Variants in ANKRD40 observed in about 807,000 individuals in gnomAD.
The protein encoded by ANKRD40 is ankyrin repeat domain-containing protein 40.
In ANKRD40, 24 loss-of-function variants were observed where a neutral mutation model predicts 35.5. That is an observed-to-expected ratio of 0.68 (90% CI 0.49 to 0.95). ANKRD40 has a LOEUF of 0.95. Among genes scored for constraint, ANKRD40 ranks in the 40% least tolerant of loss-of-function variants. The pLI is 0.00. For missense variants in ANKRD40, 361 were observed against 436.0 expected, an observed-to-expected ratio of 0.83 and a Z score of 1.53; for synonymous variants, 147 against 173.5, an observed-to-expected ratio of 0.85 and a Z score of 1.20.
At chr17:50,698,458 A>G (rs1968225206) in intron 3 of ANKRD40, among the ~76,000 whole-genome samples, 2 of 152,238 alleles carry the variant, frequency 1.3e-5, no homozygotes, top group South Asian at 4.1e-4. Context: ...TTTACAGTAA[A>G]ATACCAACTA....
chr17:50,696,783 T>A, intron 4 of ANKRD40, 157 bp downstream of exon 4: 71 of 580,660 alleles, frequency 1.2e-4, no homozygotes, highest in Non-Finnish European at 1.7e-4. Flanking sequence ...CCAGTGTCCC[T>A]ATAGACTCAG....
At chr17:50,700,742 A>G in intron 1 of ANKRD40, 26 bp from the exon 2 acceptor site, 1 of 1,590,316 alleles carries the variant, frequency 6.3e-7, no homozygotes, top group Non-Finnish European at 8.6e-7. Context: ...TAATGATTGA[A>G]AAAGAGGAGA....
rs1968206265 is a variant in ANKRD40, at chr17:50,696,848, G to A, written c.960+92C>T. The A allele has an allele frequency of 7.8e-6, 9 of 1,153,466 alleles. No homozygotes were observed. The South Asian group carries it at 1.8e-4, about 23-fold the overall frequency. 71.5% of individuals were successfully genotyped at this position (1,153,466 alleles called of 1,614,324 possible). ...ACTCTTTGCTCCTTTTCTATTCTTT[G>A]TTTATTCCCTCAACTACCTCATATA... On this transcript the variant is annotated intron_variant, in intron 4 of 4. Coordinates refer to ENST00000285243, the MANE Select transcript of ANKRD40 (RefSeq NM_052855.4).
At chr17:50,705,923 T>A (rs1370210528) in intron 1 of ANKRD40, among the ~76,000 whole-genome samples, 1 of 151,894 alleles carries the variant, frequency 6.6e-6, no homozygotes, top group African/African-American at 2.4e-5. Context: ...CCTCCCAAAG[T>A]GCTGAGATTA....
At chr17:50,706,772 C>T (rs11868294) in intron 1 of ANKRD40, among the ~76,000 whole-genome samples, 41,332 of 147,170 alleles carry the variant, frequency 0.28, 5,870 homozygotes, top group Middle Eastern at 0.36. Flanking sequence ...GGTGTGGGGG[C>T]GCGTGCCTGT....
rs1401420318 is a variant in ANKRD40 at position 50,699,732 on chromosome 17, A to T, written c.445T>A (p.Ser149Thr). 1 of 1,612,674 alleles carries T rather than the reference A, an allele frequency of 6.2e-7. No homozygotes were observed. Residue 149 changes from serine to threonine, a missense_variant, in exon 3 of 5, where the codon TCC becomes ACC. Coordinates refer to ENST00000285243, the MANE Select transcript of ANKRD40 (RefSeq NM_052855.4). ...GCAGGGGGTGATGCAGGGGGTGTGG[A>T]GGGGCCCCCATTCTGCATCTGGGCT... is the stretch of plus-strand genomic sequence containing the variant. ...DSAQMQNGGPSTPPASPPADG... is the reference protein window; with the variant it reads ...DSAQMQNGGPTTPPASPPADG...
At chr17:50,699,255 G>T in intron 3 of ANKRD40, 144 bp downstream of exon 3, 2 of 1,122,250 alleles carry the variant, frequency 1.8e-6, no homozygotes, top group Non-Finnish European at 2.5e-6. Context: ...TAAACAATTT[G>T]TGAATTTGAG....
chr17:50,705,094 C>A (rs1015795429), intron 1 of ANKRD40, among the ~76,000 whole-genome samples: 2 of 147,248 alleles, frequency 1.4e-5, no homozygotes, highest in Non-Finnish European at 3.0e-5. Context: ...GCACTCCAGC[C>A]TGGGCGAGAG....
Position 50,696,088 on chromosome 17 carries a change from A to G in ANKRD40, c.1016T>C (p.Ile339Thr), listed in dbSNP as rs1968197765. ...TCTGAACAGAAAATTATTTTCACTT[A>G]TCATCAGAACCAGTTCCAGCTCCTG... The part of the protein sequence containing the change: ...DFQELELVLM[I>T]SENNFLFRNA... The change falls in exon 5 of 5, where the codon ATA (isoleucine) becomes ACA (threonine). Residue 339 changes from isoleucine (I) to threonine (T), a missense_variant. Around this residue, in one of 5 missense-constraint regions of ANKRD40, gnomAD observed 93 missense variants for 129.6 expected, o/e 0.72. Transcript: ENST00000285243. The G allele has an allele frequency of 1.2e-6, 2 of 1,614,098 alleles. No individual in the cohort carries two copies. The highest frequency in any genetic ancestry group is 1.7e-6 in the Non-Finnish European group (2 of 1,180,046).
chr17:50,701,966 G>T (rs1968277853), intron 1 of ANKRD40, among the ~76,000 whole-genome samples: 1 of 152,148 alleles, frequency 6.6e-6, no homozygotes, highest in South Asian at 2.1e-4. Context: ...GATTATCCAG[G>T]TTCCTTTAAG....
intron 4 of ANKRD40, chr17:50,696,635 T>G (rs1472199404): frequency 3.8e-6 from 1 of 261,082 alleles, no homozygotes; most frequent in Admixed American, 5.1e-5. Flanking sequence ...CTTCCAAAAA[T>G]GCCAGTGTGG....
chr17:50,703,439 G>C (rs1968292525), intron 1 of ANKRD40, among the ~76,000 whole-genome samples: 1 of 152,168 alleles, frequency 6.6e-6, no homozygotes, highest in South Asian at 2.1e-4. Flanking sequence ...GTAAAGCAGG[G>C]AAAGGCATTA....
chr17:50,701,336 A>G (rs1968269371), intron 1 of ANKRD40, among the ~76,000 whole-genome samples: 1 of 152,218 alleles, frequency 6.6e-6, no homozygotes, highest in Admixed American at 6.5e-5. Flanking sequence ...GGCTACAAAC[A>G]TATCCTCATC....
At chr17:50,705,435 A>AC (rs1968321509) in intron 1 of ANKRD40, among the ~76,000 whole-genome samples, 2 of 151,410 alleles carry the variant, frequency 1.3e-5, no homozygotes, top group African/African-American at 2.4e-5. Context: ...AAAAAAAAAA[A>AC]CAGAACAAAA....
intron 4 of ANKRD40, 68 bp downstream of exon 4, chr17:50,696,872 T>C (rs1968206789): frequency 7.8e-6 from 11 of 1,418,944 alleles, no homozygotes; most frequent in Non-Finnish European, 9.5e-6. Context: ...CTACCTCATA[T>C]AACCAAGGAG....
rs1218421922 is a variant in ANKRD40, at chr17:50,699,496, T to C, written c.681A>G (p.Pro227=). 1 of 1,614,192 alleles carries C rather than the reference T, an allele frequency of 6.2e-7. No individual in the cohort carries two copies. Among genetic ancestry groups the C allele is most frequent in the Admixed American group, 1.7e-5 (1 of 60,028 alleles). Residue 227 remains proline (P), a synonymous_variant, in exon 3 of 5, where the codon CCA becomes CCG. Coordinates refer to ENST00000285243, the MANE Select transcript of ANKRD40 (RefSeq NM_052855.4). Reference sequence around the variant, plus strand: ...CATTTTGAGGCTCCAGAGACATTGGTGGCTTGGACGGGACAGAAGAAAACA... The same window carrying C: ...CATTTTGAGGCTCCAGAGACATTGGCGGCTTGGACGGGACAGAAGAAAACA... ...RSLFSSVPSK[P]PMSLEPQNGT...
At chr17:50,703,261 G>A (rs75122136) in intron 1 of ANKRD40, among the ~76,000 whole-genome samples, 1,838 of 152,244 alleles carry the variant, frequency 0.012, 18 homozygotes, top group Non-Finnish European at 0.019. Flanking sequence ...TTACGTGTTG[G>A]ACATTGTTCT....
intron 4 of ANKRD40, 76 bp from the exon 5 acceptor site, chr17:50,696,219 G>T: frequency 7.0e-7 from 1 of 1,435,956 alleles, no homozygotes; most frequent in Non-Finnish European, 9.4e-7. Flanking sequence ...ATTGATACCA[G>T]TATCTTGTCT....
Position 50,699,881 on chromosome 17 carries a change from T to A in ANKRD40, c.296A>T (p.Asp99Val). Residue 99 changes from aspartate (D) to valine (V), a missense_variant, in exon 3 of 5, where the codon GAT (aspartate) becomes GTT (valine). Physicochemically the swap from Asp to Val is radical, Grantham distance 152. Transcript: ENST00000285243. ...GTTGTCATCATCATCATCATCATCA[T>A]CTTCTTCTTCCACTTAAAAAGAAGA... is the stretch of plus-strand genomic sequence containing the variant. The part of the protein sequence containing the change: ...IRKIMGVEEE[D>V]DDDDDDDNLP... 1 of 1,506,502 alleles carries A rather than the reference T, an allele frequency of 6.6e-7. No homozygotes were observed. The highest frequency in any genetic ancestry group is 8.9e-7 in the Non-Finnish European group (1 of 1,128,368). 93.3% of individuals were successfully genotyped at this position (1,506,502 alleles called of 1,614,324 possible). A position where few individuals can be genotyped will look rare whatever the true frequency, so the allele number is the denominator to read the frequency against.
Sources: allele counts gnomAD v4.1 joint callset (sites outside exome capture counted in the v4.1 genomes callset), GRCh38; gene constraint gnomAD v4.1.1; regional missense constraint gnomAD v4.1.1; transcripts MANE v1.5; gene names NCBI Gene and HGNC (gene_info 2026-07-23, HGNC 2026-07-21).